The following ACTN1 variants were observed in gnomAD, a reference collection of about 807,000 sequenced individuals.
ACTN1 encodes the protein alpha-actinin-1.
Under a neutral mutation model 119.6 loss-of-function variants are expected in ACTN1, and 30 were observed. That is an observed-to-expected ratio of 0.25 (90% CI 0.19 to 0.34). The LOEUF (loss-of-function observed/expected upper bound fraction) is 0.34. Among genes scored for constraint, ACTN1 ranks in the 10% least tolerant of loss-of-function variants. The pLI is 1.00. For synonymous variants in ACTN1, 429 were observed against 472.6 expected, an observed-to-expected ratio of 0.91 and a Z score of 1.20; for missense variants, 764 against 1,223.4, an observed-to-expected ratio of 0.62 and a Z score of 5.60.
chr14:68,950,462 G>GTGTGTATATATGTGTATATATATATATA, intron 1 of ACTN1, among the ~76,000 whole-genome samples: 9 of 125,906 alleles, frequency 7.1e-5, no homozygotes, highest in African/African-American at 3.7e-4. Context: ...ATGCGTGTGT[G>GTGTGTATATATGTGTATATATATATATA]TATATATATA....
chr14:68,881,088 A>C, intron 16 of ACTN1, 99 bp from the exon 17 acceptor site: 39 of 1,209,596 alleles, frequency 3.2e-5, no homozygotes, highest in Non-Finnish European at 4.4e-5. Context: ...CCCTCAAATG[A>C]TTCTCAGTTC....
rs2030636172 is a variant in ACTN1, at chr14:68,874,698, T to A, written c.*161A>T. On this transcript the variant is annotated 3_prime_UTR_variant, in exon 22 of 22. Transcript: ENST00000394419. ...TTCTTTTTTGCAGAAAATAATTTTG[T>A]AAACTGTCACTTCGCGGGCAGGGAG... The A allele has an allele frequency of 1.6e-6, 1 of 614,338 alleles. No homozygotes were observed. The highest frequency in any genetic ancestry group is 6.8e-5 in the South Asian group (1 of 14,668). 38.1% of individuals were successfully genotyped at this position (614,338 alleles called of 1,614,324 possible). A position where few individuals can be genotyped will look rare whatever the true frequency, so the allele number is the denominator to read the frequency against.
chr14:68,909,405 G>GGA lies in ACTN1; in HGVS notation c.516-11_516-10dup. 1 of 1,613,866 alleles carries GGA rather than the reference G, an allele frequency of 6.2e-7. No homozygotes were observed. ...CGAGGCCATCCTTCCAGCTGCCCGG[G>GGA]GAGAGAGAAGAAGGAGCAGGCTGGT... is the stretch of plus-strand genomic sequence containing the variant. On this transcript the variant is annotated splice_polypyrimidine_tract_variant and intron_variant, in intron 5 of 21. Coordinates refer to ENST00000394419, the MANE Select transcript of ACTN1 (RefSeq NM_001130004.2). This position sits in a 1 kb window ranked among gnomAD's most constrained non-coding sequence, Gnocchi z 4.1.
rs1403022033 is a variant in ACTN1, at chr14:68,879,077, C to T, written c.2281-8G>A. The stretch of plus-strand genomic sequence containing the variant: ...CAGTGTGCCGGAGTGATCCTGGGGC[C>T]GCGGTGCGCCAGGCAGCGAGCCATG... On this transcript the variant is annotated splice_polypyrimidine_tract_variant and splice_region_variant and intron_variant, in intron 18 of 21. Transcript: ENST00000394419. This position sits in a 1 kb window ranked among gnomAD's most constrained non-coding sequence, Gnocchi z 4.9. 6 of 1,602,328 alleles carry T rather than the reference C, an allele frequency of 3.7e-6. No individual in the cohort carries two copies. Among genetic ancestry groups the T allele is most frequent in the Non-Finnish European group, 5.1e-6 (6 of 1,173,060 alleles).
chr14:68,892,618 G>T (rs1053786872), intron 9 of ACTN1, among the ~76,000 whole-genome samples: 1 of 152,226 alleles, frequency 6.6e-6, no homozygotes, highest in Non-Finnish European at 1.5e-5. Context: ...TTAGTACCAG[G>T]TTCTAACTGG....
intron 16 of ACTN1, among the ~76,000 whole-genome samples, chr14:68,881,936 CTTTTTTT>C (rs781067137): frequency 1.7e-5 from 1 of 58,394 alleles, no homozygotes. Flanking sequence ...TAGGCAGCTT[CTTTTTTT>C]TTTTTTTTTT....
chr14:68,900,048 C>T (rs1230144356), intron 8 of ACTN1, among the ~76,000 whole-genome samples: 2 of 152,180 alleles, frequency 1.3e-5, no homozygotes, highest in South Asian at 2.1e-4. Flanking sequence ...CGGGGGATAC[C>T]TATGAGAAAC....
intron 1 of ACTN1, among the ~76,000 whole-genome samples, chr14:68,956,115 T>C (rs549973895): frequency 8.5e-5 from 13 of 152,114 alleles, no homozygotes; most frequent in Admixed American, 3.3e-4. Flanking sequence ...TCGTGAGCTA[T>C]GATCATGCCA....
chr14:68,963,716 G>A (rs1207074391), intron 1 of ACTN1, among the ~76,000 whole-genome samples: 1 of 152,218 alleles, frequency 6.6e-6, no homozygotes, highest in African/African-American at 2.4e-5. Context: ...TTCATACTAT[G>A]ATATCATTTC....
intron 16 of ACTN1, among the ~76,000 whole-genome samples, chr14:68,881,402 T>C (rs538997781): frequency 4.9e-4 from 74 of 152,312 alleles, no homozygotes; most frequent in Non-Finnish European, 7.1e-4. Flanking sequence ...TCAGTACCCA[T>C]GCTCTTGCTC....
Position 68,879,611 on chromosome 14 carries a change from C to T in ACTN1, c.2280+351G>A, listed in dbSNP as rs563430649. 3.4e-3 allele frequency among the ~76,000 whole-genome samples: 519 copies of T among 152,194 alleles called. 2 individuals are homozygous for T. Among genetic ancestry groups the T allele is most frequent in the Non-Finnish European group, 5.5e-3 (377 of 67,972 alleles). On this transcript the variant is annotated intron_variant, in intron 18 of 21. Coordinates refer to ENST00000394419, the MANE Select transcript of ACTN1 (RefSeq NM_001130004.2). The surrounding 1 kb of genome is among the most constrained non-coding windows in gnomAD (Gnocchi z 4.9). Reference sequence around the variant, plus strand: ...AGGTCGGGGTAGGGGTAGGGGCCAGCGAGGGCAGGAGGAGTCTCTTCTGCT... The same window carrying T: ...AGGTCGGGGTAGGGGTAGGGGCCAGTGAGGGCAGGAGGAGTCTCTTCTGCT...
intron 1 of ACTN1, among the ~76,000 whole-genome samples, chr14:68,936,219 A>C (rs570567419): frequency 6.6e-6 from 1 of 152,138 alleles, no homozygotes; most frequent in Non-Finnish European, 1.5e-5. Flanking sequence ...AAGCCAAAAA[A>C]TTTCCCAGGG....
chr14:68,951,577 C>T (rs28422130), intron 1 of ACTN1, among the ~76,000 whole-genome samples: 4,420 of 152,312 alleles, frequency 0.029, 185 homozygotes, highest in African/African-American at 0.1. Flanking sequence ...CCCTTGACTC[C>T]GTTTCCCCAA....
intron 7 of ACTN1, among the ~76,000 whole-genome samples, chr14:68,904,337 C>T (rs187721695): frequency 9.9e-5 from 15 of 152,128 alleles, no homozygotes; most frequent in African/African-American, 1.4e-4. Flanking sequence ...CAAACTGTGC[C>T]GGACAACAAG....
At chr14:68,917,304 C>T (rs1183021587) in intron 3 of ACTN1, among the ~76,000 whole-genome samples, 1 of 152,196 alleles carries the variant, frequency 6.6e-6, no homozygotes, top group Non-Finnish European at 1.5e-5. Context: ...GCTCCATTTC[C>T]CAAGGCTCCC....
chr14:68,963,696 T>C (rs1164045949), intron 1 of ACTN1, among the ~76,000 whole-genome samples: 2 of 152,204 alleles, frequency 1.3e-5, no homozygotes, highest in African/African-American at 4.8e-5. Context: ...ACCACAAAGA[T>C]GAGTTTTTAT....
Position 68,909,906 on chromosome 14 carries a change from G to A in ACTN1, c.515+49C>T, listed in dbSNP as rs3742891. On this transcript the variant is annotated intron_variant, in intron 5 of 21. Transcript: ENST00000394419. The surrounding 1 kb of genome is among the most constrained non-coding windows in gnomAD (Gnocchi z 4.1). ...CAGCCAAGGGGGTCTGGGAGCTCCC[G>A]GGGGAGGCAGCCTGGTTCTGTGAGA... 0.15 allele frequency: 240,449 copies of A among 1,553,990 alleles called. 27,873 individuals carry two copies. Among genetic ancestry groups the A allele is most frequent in the East Asian group, 0.64 (28,716 of 44,552 alleles).
rs1166456800 is a variant in ACTN1 at position 68,875,144 on chromosome 14, TAACTACAG to T, written c.2587-135_2587-128del. 3.9e-6 allele frequency: 6 copies of T among 1,540,836 alleles called. No individual in the cohort carries two copies. The East Asian group carries it at 1.5e-4, about 37-fold the overall frequency. On this transcript the variant is annotated intron_variant, in intron 21 of 21. Coordinates refer to ENST00000394419, the MANE Select transcript of ACTN1 (RefSeq NM_001130004.2). ...CCGTTTGCATTTTGCCTCCCTCCTG[TAACTACAG>T]GATGTACGGACGTAAATATCCACAC... is the stretch of plus-strand genomic sequence containing the variant.
At chr14:68,926,763 A>G (rs2034946869) in intron 1 of ACTN1, among the ~76,000 whole-genome samples, 2 of 152,148 alleles carry the variant, frequency 1.3e-5, no homozygotes, top group East Asian at 1.9e-4. Flanking sequence ...ATGCTCCCCA[A>G]TCCCTTCCTC....
Sources: allele counts gnomAD v4.1 joint callset (sites outside exome capture counted in the v4.1 genomes callset), GRCh38; gene constraint gnomAD v4.1.1; non-coding constraint Gnocchi (gnomAD v3.1); transcripts MANE v1.5; gene names NCBI Gene and HGNC (gene_info 2026-07-23, HGNC 2026-07-21).